IMMP2L: variants seen among roughly 807,000 people sequenced by gnomAD.
The protein encoded by IMMP2L is mitochondrial inner membrane protease subunit 2.
In IMMP2L, 18 loss-of-function variants were observed where a neutral mutation model predicts 19.3. The ratio of observed to expected loss-of-function variants is 0.93; its 90% CI spans 0.64 to 1.38. IMMP2L has a LOEUF of 1.38. Ranked by LOEUF, IMMP2L falls within the 40% of genes most tolerant of loss-of-function variation. The pLI is 0.00. For synonymous variants in IMMP2L, 76 were observed against 73.0 expected, an observed-to-expected ratio of 1.04 and a Z score of -0.21; for missense variants, 233 against 218.2, an observed-to-expected ratio of 1.07 and a Z score of -0.43.
chr7:110,769,495 T>G (rs2131013239), intron 5 of IMMP2L, among the ~76,000 whole-genome samples: 1 of 152,238 alleles, frequency 6.6e-6, no homozygotes, highest in Middle Eastern at 3.4e-3. Flanking sequence ...GCCACAGCAT[T>G]TTTGTATTCT....
At position 111,351,663 on chromosome 7, in the gene IMMP2L, T is replaced by A. The variant is rs9791527; in HGVS notation, c.239+135575A>T. 2.5e-3 allele frequency among the ~76,000 whole-genome samples: 387 copies of A among 152,306 alleles called. 19 individuals carry two copies. In the East Asian group the frequency reaches 0.056, roughly 22 times the overall value. ...AGTGCTACAGATAAAAATTGTTAAA[T>A]AAGTGGCTATAATGTGATTCCAAAA... On this transcript the variant is annotated intron_variant, in intron 3 of 5. Coordinates refer to ENST00000405709, the MANE Select transcript of IMMP2L (RefSeq NM_032549.4).
intron 3 of IMMP2L, among the ~76,000 whole-genome samples, chr7:111,120,138 G>A (rs770979443): frequency 9.9e-5 from 15 of 152,146 alleles, no homozygotes; most frequent in Non-Finnish European, 2.2e-4. Flanking sequence ...TGTTGGAAAT[G>A]ATTATATTTC....
At chr7:111,494,884 A>G (rs1843445460) in intron 2 of IMMP2L, among the ~76,000 whole-genome samples, 2 of 151,796 alleles carry the variant, frequency 1.3e-5, no homozygotes, top group South Asian at 2.1e-4. Context: ...CACATTTCTC[A>G]TTTTACATAG....
intron 4 of IMMP2L, among the ~76,000 whole-genome samples, chr7:110,941,254 A>G (rs999461250): frequency 2.0e-5 from 3 of 152,218 alleles, no homozygotes; most frequent in Non-Finnish European, 4.4e-5. Context: ...GCTATTCAGT[A>G]TATCAGCTGA....
intron 4 of IMMP2L, among the ~76,000 whole-genome samples, chr7:110,928,716 C>T (rs1815145357): frequency 6.6e-6 from 1 of 152,060 alleles, no homozygotes; most frequent in Admixed American, 6.6e-5. Context: ...TAGATTTTAA[C>T]ATTCTAAACA....
rs902322788 is a variant in IMMP2L, at chr7:111,434,788, C to T, written c.239+52450G>A. ...AGGCTGGTCTCAAACTCTTGACCTC[C>T]GGTGATCCACCCGCCTCGGCCTCCC... is the stretch of plus-strand genomic sequence containing the variant. On this transcript the variant is annotated intron_variant, in intron 3 of 5. Coordinates refer to ENST00000405709, the MANE Select transcript of IMMP2L (RefSeq NM_032549.4). Among the ~76,000 whole-genome samples the T allele has an allele frequency of 1.4e-4, 21 of 151,620 alleles. 1 individual carries two copies. The highest frequency in any genetic ancestry group is 3.9e-4 in the African/African-American group (16 of 41,054).
At chr7:111,204,970 T>C (rs1810543289) in intron 3 of IMMP2L, among the ~76,000 whole-genome samples, 1 of 152,162 alleles carries the variant, frequency 6.6e-6, no homozygotes, top group African/African-American at 2.4e-5. Context: ...TAACAAAATA[T>C]CAGACTGGGT....
At chr7:110,737,747 A>G (rs1312921431) in intron 5 of IMMP2L, among the ~76,000 whole-genome samples, 1 of 152,214 alleles carries the variant, frequency 6.6e-6, no homozygotes, top group Non-Finnish European at 1.5e-5. Flanking sequence ...CTGAAGGCCA[A>G]CCAACAAAAA....
At chr7:110,867,436 G>A (rs1299580969) in intron 5 of IMMP2L, among the ~76,000 whole-genome samples, 1 of 151,976 alleles carries the variant, frequency 6.6e-6, no homozygotes, top group Non-Finnish European at 1.5e-5. Flanking sequence ...ATAGCAGTGA[G>A]AAAATGCTGC....
At chr7:111,018,063 C>T (rs181126262) in intron 3 of IMMP2L, among the ~76,000 whole-genome samples, 1 of 152,270 alleles carries the variant, frequency 6.6e-6, no homozygotes, top group East Asian at 1.9e-4. Flanking sequence ...TACAGCTCTT[C>T]TTAAACTGTG....
At chr7:110,800,996 A>G (rs1271773622) in intron 5 of IMMP2L, among the ~76,000 whole-genome samples, 1 of 152,078 alleles carries the variant, frequency 6.6e-6, no homozygotes, top group Admixed American at 6.6e-5. Context: ...AAAACAAAAA[A>G]ATTAAAAACC....
intron 3 of IMMP2L, among the ~76,000 whole-genome samples, chr7:111,229,555 G>A (rs994225109): frequency 5.3e-5 from 8 of 151,906 alleles, no homozygotes; most frequent in South Asian, 2.1e-4. Context: ...CATTCCCACC[G>A]TCTCCTTCCA....
intron 5 of IMMP2L, among the ~76,000 whole-genome samples, chr7:110,871,242 T>C (rs980688071): frequency 3.3e-5 from 5 of 152,144 alleles, no homozygotes; most frequent in African/African-American, 1.2e-4. Context: ...ATTCAAGATG[T>C]TTCTTGAACA....
At chr7:110,907,856 G>GT (rs1812635519) in intron 4 of IMMP2L, among the ~76,000 whole-genome samples, 2 of 152,252 alleles carry the variant, frequency 1.3e-5, no homozygotes, top group Non-Finnish European at 2.9e-5. Flanking sequence ...GGGGCAATTG[G>GT]TGGGGGGGAA....
intron 3 of IMMP2L, among the ~76,000 whole-genome samples, chr7:111,055,275 G>A (rs1278547819): frequency 1.3e-5 from 2 of 151,996 alleles, no homozygotes; most frequent in Non-Finnish European, 2.9e-5. Context: ...TTGACTTTAT[G>A]GAATGTTCCT....
At chr7:111,520,667 A>G (rs960590319) in intron 2 of IMMP2L, among the ~76,000 whole-genome samples, 10 of 152,136 alleles carry the variant, frequency 6.6e-5, no homozygotes, top group Non-Finnish European at 1.3e-4. Flanking sequence ...ACCAAATCCT[A>G]TAACAAAATG....
chr7:110,665,899 C>T (rs887465416), intron 5 of IMMP2L, among the ~76,000 whole-genome samples: 6 of 152,094 alleles, frequency 3.9e-5, no homozygotes, highest in Middle Eastern at 3.2e-3. Flanking sequence ...TGATCCTGTC[C>T]GAATCACTTA....
chr7:111,506,197 A>AAATAAG (rs1439776530), intron 2 of IMMP2L, among the ~76,000 whole-genome samples: 1 of 149,444 alleles, frequency 6.7e-6, no homozygotes, highest in Non-Finnish European at 1.5e-5. Context: ...TGTCTCTTTA[A>AAATAAG]AATAATAATA....
At chr7:111,334,454 G>A (rs1826196753) in intron 3 of IMMP2L, among the ~76,000 whole-genome samples, 2 of 151,844 alleles carry the variant, frequency 1.3e-5, no homozygotes, top group South Asian at 4.1e-4. Context: ...TTTTCTTTAT[G>A]CATGCATCAG....
Sources: allele counts gnomAD v4.1 joint callset (sites outside exome capture counted in the v4.1 genomes callset), GRCh38; gene constraint gnomAD v4.1.1; transcripts MANE v1.5; gene names NCBI Gene and HGNC (gene_info 2026-07-23, HGNC 2026-07-21).